Variants in LARS2 observed in about 807,000 individuals in gnomAD.
LARS2 encodes leucyl-tRNA synthetase 2, mitochondrial.
A neutral mutation model predicts 116.6 loss-of-function variants in LARS2; 81 were observed. That is an observed-to-expected ratio of 0.69 (90% CI 0.58 to 0.84). The LOEUF (loss-of-function observed/expected upper bound fraction) is 0.84, where lower values mean the gene tolerates loss of function less well. Ranked by LOEUF, LARS2 falls within the 40% of genes least tolerant of loss-of-function variation. The probability of loss-of-function intolerance (pLI) is 0.00; values close to 1 mark genes in which losing one functional copy is unlikely to be tolerated. For synonymous variants in LARS2, 396 were observed against 407.2 expected (o/e 0.97, Z 0.33); for missense variants, 968 against 1,114.5 (o/e 0.87, Z 1.87).
chr3:45,519,263 G>A (rs372909660), intron 18 of LARS2, among the ~76,000 whole-genome samples: 19 of 151,848 alleles, frequency 1.3e-4, no homozygotes, highest in African/African-American at 3.6e-4. Flanking sequence ...AGGCCAAGGC[G>A]GGCAGATCAC....
At chr3:45,394,033 G>A (rs896781204) in intron 2 of LARS2, among the ~76,000 whole-genome samples, 1 of 152,136 alleles carries the variant, frequency 6.6e-6, no homozygotes, top group Non-Finnish European at 1.5e-5. Context: ...TGAGCCTAAC[G>A]CCAACTCAGC....
chr3:45,388,991 G>A (rs529928668), intron 1 of LARS2: 2 of 152,180 alleles, frequency 1.3e-5, no homozygotes, highest in Admixed American at 1.3e-4. Flanking sequence ...TAGGGGTTTG[G>A]ACCCAGTTGA....
chr3:45,476,680 A>G (rs1699616845), intron 10 of LARS2, 53 bp downstream of exon 10: 1 of 1,591,040 alleles, frequency 6.3e-7, no homozygotes, highest in African/African-American at 1.3e-5. Flanking sequence ...TTACATTTGG[A>G]TGGCGCCTCC....
At position 45,504,771 on chromosome 3, in the gene LARS2, G is replaced by T. The variant is rs569014171; in HGVS notation, c.1760+4192G>T. Among the ~76,000 whole-genome samples, 1,052 of 144,446 alleles carry T rather than the reference G, an allele frequency of 7.3e-3. 8 individuals are homozygous for T. The highest frequency in any genetic ancestry group is 0.025 in the African/African-American group (983 of 39,502). The allele number at this position is 144,446 out of a possible 152,430, so 94.8% of individuals were successfully genotyped here. A position where few individuals can be genotyped will look rare whatever the true frequency, so the allele number is the denominator to read the frequency against. On this transcript the variant is annotated intron_variant, in intron 15 of 21. Transcript: ENST00000645846. ...GTGTTTTTTTTGTTTTGTTTTGTTT[G>T]TTTTTTTTTTTAAGAAATTGAGTTT... is the stretch of plus-strand genomic sequence containing the variant.
chr3:45,525,262 G>T (rs9867529), intron 20 of LARS2, among the ~76,000 whole-genome samples: 2 of 152,076 alleles, frequency 1.3e-5, no homozygotes, highest in Non-Finnish European at 2.9e-5. Context: ...GTTTTATTTC[G>T]CTTTCATTGT....
intron 13 of LARS2, among the ~76,000 whole-genome samples, chr3:45,493,029 A>G (rs1699950526): frequency 6.6e-6 from 1 of 152,038 alleles, no homozygotes; most frequent in Non-Finnish European, 1.5e-5. Context: ...GATGAGGATA[A>G]GGTTTCCTGC....
intron 8 of LARS2, among the ~76,000 whole-genome samples, chr3:45,463,604 G>T (rs972509794): frequency 1.3e-5 from 2 of 151,942 alleles, no homozygotes; most frequent in Non-Finnish European, 2.9e-5. Context: ...ATAGCATGGG[G>T]ATTCAAATCT....
At chr3:45,536,156 C>G (rs1054231486) in intron 20 of LARS2, among the ~76,000 whole-genome samples, 1 of 608 alleles carries the variant, frequency 1.6e-3, no homozygotes, top group African/African-American at 8.5e-3. Flanking sequence ...GGGTCTCACT[C>G]TGTTGCCCAG....
chr3:45,477,995 CTTAACTGGA>C (rs1699642251), intron 10 of LARS2, among the ~76,000 whole-genome samples: 1 of 152,178 alleles, frequency 6.6e-6, no homozygotes, highest in South Asian at 2.1e-4. Flanking sequence ...CCATTCCAGT[CTTAACTGGA>C]TGCCCCAGAG....
intron 10 of LARS2, among the ~76,000 whole-genome samples, chr3:45,482,659 A>G (rs1026831948): frequency 3.9e-5 from 6 of 152,328 alleles, no homozygotes; most frequent in Middle Eastern, 3.4e-3. Context: ...TGAAAAGTCA[A>G]AGAGTACTAA....
chr3:45,460,533 T>C (rs1399390305), intron 8 of LARS2, among the ~76,000 whole-genome samples: 1 of 152,262 alleles, frequency 6.6e-6, no homozygotes, highest in East Asian at 1.9e-4. Context: ...TTTTCAACTG[T>C]TCAGTGGAAA....
intron 14 of LARS2, among the ~76,000 whole-genome samples, chr3:45,498,345 T>C (rs545105790): frequency 1.3e-5 from 2 of 152,360 alleles, no homozygotes; most frequent in Admixed American, 6.5e-5. Flanking sequence ...GAGCTGTAGC[T>C]ACTTTCAACA....
chr3:45,514,158 A>G (rs1700335738), intron 16 of LARS2, among the ~76,000 whole-genome samples: 3 of 152,184 alleles, frequency 2.0e-5, no homozygotes, highest in East Asian at 3.9e-4. Flanking sequence ...GTGAGCCAAG[A>G]TCATGCCACT....
chr3:45,427,413 A>G (rs1315326304), intron 6 of LARS2, among the ~76,000 whole-genome samples: 2 of 152,172 alleles, frequency 1.3e-5, no homozygotes, highest in East Asian at 1.9e-4. Context: ...TTGTTTTTCT[A>G]TTCAGAAAAA....
intron 8 of LARS2, among the ~76,000 whole-genome samples, chr3:45,471,111 G>A (rs1175026696): frequency 1.4e-5 from 2 of 142,376 alleles, no homozygotes; most frequent in Non-Finnish European, 3.0e-5. Context: ...AACAAAAATA[G>A]CTCTTTAAAC....
rs1700316614 is a variant in LARS2, at chr3:45,513,292, T to C, written c.1861+57T>C. On this transcript the variant is annotated intron_variant, in intron 16 of 21. Transcript: ENST00000645846. Reference sequence around the variant, plus strand: ...ACTCCCAGAGAGCCAAGGCCAGGCCTGAGAGCTACTGAGCAAGCAGGCATC... The same window carrying C: ...ACTCCCAGAGAGCCAAGGCCAGGCCCGAGAGCTACTGAGCAAGCAGGCATC... 5 of 1,096,768 alleles carry C rather than the reference T, an allele frequency of 4.6e-6. No individual in the cohort carries two copies. In the Admixed American group the frequency reaches 8.5e-5, roughly 19 times the overall value. 67.9% of individuals were successfully genotyped at this position (1,096,768 alleles called of 1,614,324 possible). A position where few individuals can be genotyped will look rare whatever the true frequency, so the allele number is the denominator to read the frequency against.
intron 16 of LARS2, among the ~76,000 whole-genome samples, chr3:45,514,454 T>G (rs1009535749): frequency 1.3e-5 from 2 of 152,080 alleles, no homozygotes; most frequent in African/African-American, 2.4e-5. Flanking sequence ...TAACGGTCCG[T>G]GGGAGAAAAA....
intron 20 of LARS2, among the ~76,000 whole-genome samples, chr3:45,531,740 A>G (rs1294168303): frequency 6.6e-6 from 1 of 152,174 alleles, no homozygotes; most frequent in African/African-American, 2.4e-5. Context: ...ATGGTGTACA[A>G]TGTGTTGTTT....
At chr3:45,545,961 A>C (rs1700869308) in intron 21 of LARS2, among the ~76,000 whole-genome samples, 1 of 140,336 alleles carries the variant, frequency 7.1e-6, no homozygotes, top group South Asian at 2.2e-4. Context: ...GTCCTTAAGG[A>C]AAAAAAAAAA....
Sources: gnomAD v4.1 joint callset for allele counts (sites outside exome capture counted in the v4.1 genomes callset) on GRCh38, gnomAD v4.1.1 for gene constraint, MANE v1.5 for transcripts, NCBI Gene and HGNC (gene_info 2026-07-23, HGNC 2026-07-21) for gene names.